Variants in TTLL7 observed in about 807,000 individuals in gnomAD.
TTLL7 encodes tubulin tyrosine ligase like 7.
Under a neutral mutation model 120.2 loss-of-function variants are expected in TTLL7, and 53 were observed. That is an observed-to-expected ratio of 0.44 (90% confidence interval 0.35 to 0.55). TTLL7 has a LOEUF of 0.55. Among genes scored for constraint, TTLL7 ranks in the 20% least tolerant of loss-of-function variants. TTLL7 has a pLI of 0.00. For missense variants in TTLL7, 803 were observed against 1,054.7 expected (o/e 0.76, Z 3.31); for synonymous variants, 353 against 351.7 (o/e 1.00, Z -0.04).
chr1:83,943,524 T>C (rs1194093624), intron 6 of TTLL7, among the ~76,000 whole-genome samples: 1 of 152,190 alleles, frequency 6.6e-6, no homozygotes, highest in Non-Finnish European at 1.5e-5. Context: ...AGCTTTTTTG[T>C]TGTTTGTTTT....
chr1:83,991,508 C>T (rs939209437), intron 1 of TTLL7, among the ~76,000 whole-genome samples: 10 of 151,790 alleles, frequency 6.6e-5, no homozygotes, highest in African/African-American at 2.2e-4. Flanking sequence ...TAGTTGGGCA[C>T]GGTGGTACAC....
At chr1:83,962,829 T>C (rs1049926324) in intron 1 of TTLL7, among the ~76,000 whole-genome samples, 1 of 152,138 alleles carries the variant, frequency 6.6e-6, no homozygotes, top group South Asian at 2.1e-4. Flanking sequence ...CAGTGTGACA[T>C]TGGTTGTGCT....
chr1:83,883,240 T>A (rs1654674188), intron 19 of TTLL7, 104 bp from the exon 20 acceptor site: 1 of 857,774 alleles, frequency 1.2e-6, no homozygotes, highest in South Asian at 2.1e-5. Flanking sequence ...ATAGAAATGG[T>A]CTCATACATT....
intron 3 of TTLL7, among the ~76,000 whole-genome samples, chr1:83,951,045 C>T (rs926917557): frequency 1.3e-5 from 2 of 151,996 alleles, no homozygotes; most frequent in South Asian, 4.1e-4. Context: ...GAACTCCTGG[C>T]AGTTACGTTT....
intron 12 of TTLL7, 83 bp from the exon 13 acceptor site, chr1:83,919,917 T>C: frequency 7.4e-7 from 1 of 1,350,902 alleles, no homozygotes; most frequent in South Asian, 1.3e-5. Context: ...AGACAATCCT[T>C]GACCATCTAT....
intron 1 of TTLL7, among the ~76,000 whole-genome samples, chr1:83,977,644 A>C (rs1453329868): frequency 6.6e-6 from 1 of 152,162 alleles, no homozygotes; most frequent in African/African-American, 2.4e-5. Context: ...TGATGTCCAA[A>C]GTAGGTAAAG....
chr1:83,904,004 C>A, intron 18 of TTLL7, 75 bp downstream of exon 18: 1 of 1,080,338 alleles, frequency 9.3e-7, no homozygotes, highest in South Asian at 1.3e-5. Flanking sequence ...TACAGTCTGT[C>A]TATGAATTTG....
intron 1 of TTLL7, among the ~76,000 whole-genome samples, chr1:83,992,175 T>G (rs1653062686): frequency 6.6e-6 from 1 of 152,146 alleles, no homozygotes; most frequent in Non-Finnish European, 1.5e-5. Context: ...GACAAGGCTT[T>G]TTGCACATAT....
chr1:83,995,184 G>C (rs1427591845), intron 1 of TTLL7, among the ~76,000 whole-genome samples: 5 of 151,920 alleles, frequency 3.3e-5, no homozygotes, highest in African/African-American at 1.2e-4. Flanking sequence ...GACAAGATTG[G>C]GTGTTATGAA....
At chr1:83,974,767 T>G (rs372335222) in intron 1 of TTLL7, among the ~76,000 whole-genome samples, 71 of 152,202 alleles carry the variant, frequency 4.7e-4, no homozygotes, top group African/African-American at 1.6e-3. Flanking sequence ...AATTGACCTA[T>G]TTATCTTTGA....
At chr1:83,892,282 ATATATG>A (rs1655576564) in intron 18 of TTLL7, among the ~76,000 whole-genome samples, 1 of 78,464 alleles carries the variant, frequency 1.3e-5, no homozygotes, top group Non-Finnish European at 3.3e-5. Context: ...ATATATGAAT[ATATATG>A]TATATATGAA....
chr1:83,949,311 T>C (rs67184560), intron 4 of TTLL7: 62,328 of 144,576 alleles, frequency 0.43, 14,511 homozygotes, highest in Non-Finnish European at 0.53. Flanking sequence ...GTTTTTTTTG[T>C]TTTGTTTTTT....
rs970915406 is a variant in TTLL7 at position 83,882,225 on chromosome 1, A to T, written c.2543+738T>A. ...GCACATTGTGCACATTTACCCTAAA[A>T]CTTAAAGTATAATAATAATAAAATA... On this transcript the variant is annotated intron_variant, in intron 20 of 20. Coordinates refer to ENST00000260505, the MANE Select transcript of TTLL7 (RefSeq NM_024686.6). Among the ~76,000 whole-genome samples the T allele has an allele frequency of 7.9e-5, 12 of 151,004 alleles. No homozygotes were observed. The East Asian group carries it at 9.7e-4, about 12-fold the overall frequency.
At chr1:83,981,953 G>C (rs1473005475) in intron 1 of TTLL7, among the ~76,000 whole-genome samples, 1 of 151,896 alleles carries the variant, frequency 6.6e-6, no homozygotes, top group East Asian at 1.9e-4. Context: ...CCATCAACCA[G>C]TAGGCTATGA....
intron 1 of TTLL7, among the ~76,000 whole-genome samples, chr1:83,955,672 C>T (rs1019865963): frequency 4.6e-5 from 7 of 152,108 alleles, no homozygotes; most frequent in Non-Finnish European, 8.8e-5. Flanking sequence ...CAATTTGTGG[C>T]GTTTTGTTAT....
At position 83,901,005 on chromosome 1, in the gene TTLL7, A is replaced by G. The variant is rs554758876; in HGVS notation, c.2208+3074T>C. Reference sequence around the variant, plus strand: ...TCTGAAATCCATAAGTTGTCTTTTCATGGTCTTTCTATATGCTTTGCCATT... The same window carrying G: ...TCTGAAATCCATAAGTTGTCTTTTCGTGGTCTTTCTATATGCTTTGCCATT... On this transcript the variant is annotated intron_variant, in intron 18 of 20. Coordinates refer to ENST00000260505, the MANE Select transcript of TTLL7 (RefSeq NM_024686.6). Among the ~76,000 whole-genome samples the G allele has an allele frequency of 4.6e-5, 7 of 152,018 alleles. No homozygotes were observed. The East Asian group carries it at 1.2e-3, about 25-fold the overall frequency.
At chr1:83,943,251 G>A (rs1465155883) in intron 6 of TTLL7, among the ~76,000 whole-genome samples, 10 of 152,156 alleles carry the variant, frequency 6.6e-5, no homozygotes, top group Non-Finnish European at 2.9e-5. Flanking sequence ...AAAAAGACTG[G>A]GAGGAAGGGC....
At chr1:83,873,637 C>T (rs1653645808) in intron 20 of TTLL7, among the ~76,000 whole-genome samples, 1 of 152,134 alleles carries the variant, frequency 6.6e-6, no homozygotes, top group Non-Finnish European at 1.5e-5. Flanking sequence ...ATCCCTAAGG[C>T]AGTTGTGCAC....
intron 20 of TTLL7, among the ~76,000 whole-genome samples, 156 bp from the exon 21 acceptor site, chr1:83,870,238 GA>G (rs1182999287): frequency 6.6e-6 from 1 of 152,166 alleles, no homozygotes; most frequent in Non-Finnish European, 1.5e-5. Flanking sequence ...CAGACTGTAG[GA>G]AAGGAGAGAA....
Sources: allele counts gnomAD v4.1 joint callset (sites outside exome capture counted in the v4.1 genomes callset), GRCh38; gene constraint gnomAD v4.1.1; transcripts MANE v1.5; gene names NCBI Gene and HGNC (gene_info 2026-07-23, HGNC 2026-07-21).